The following DHRSX variants were observed in gnomAD, a reference collection of about 807,000 sequenced individuals.
DHRSX encodes polyprenol dehydrogenase.
In DHRSX, 31 loss-of-function variants were observed where a neutral mutation model predicts 34.0. The ratio of observed to expected loss-of-function variants is 0.91; its 90% CI spans 0.69 to 1.23. The LOEUF is 1.23. Among genes scored for constraint, DHRSX ranks in the 50% most tolerant of loss-of-function variants. The pLI, the probability that DHRSX is intolerant of heterozygous loss-of-function variation, is 0.00. For missense variants in DHRSX, 414 were observed against 428.1 expected (o/e 0.97, Z 0.29); for synonymous variants, 201 against 183.8 (o/e 1.09, Z -0.76).
At chrX:2,255,388 G>C (rs2041262926) in intron 5 of DHRSX, among the ~76,000 whole-genome samples, 1 of 152,066 alleles carries the variant, frequency 6.6e-6, no homozygotes, top group Non-Finnish European at 1.5e-5. Context: ...TCCGAATCGA[G>C]ATGGGATACC....
At chrX:2,394,684 G>A (rs1024377402) in intron 3 of DHRSX, among the ~76,000 whole-genome samples, 1 of 152,132 alleles carries the variant, frequency 6.6e-6, no homozygotes, top group African/African-American at 2.4e-5. Context: ...TGGCCAACAT[G>A]GTGAAACCCC....
intron 6 of DHRSX, among the ~76,000 whole-genome samples, chrX:2,230,932 A>G (rs910334196): frequency 2.0e-5 from 3 of 152,232 alleles, no homozygotes; most frequent in East Asian, 1.9e-4. Context: ...CTAATACAAA[A>G]TTGAACGGTC....
At chrX:2,251,577 C>T (rs752966255) in intron 5 of DHRSX, among the ~76,000 whole-genome samples, 13 of 152,258 alleles carry the variant, frequency 8.5e-5, no homozygotes, top group South Asian at 8.3e-4. Context: ...GTAGGGCGGA[C>T]GCATCAAGTG....
At chrX:2,268,238 G>C (rs1220102625) in intron 4 of DHRSX, among the ~76,000 whole-genome samples, 2 of 152,164 alleles carry the variant, frequency 1.3e-5, no homozygotes, top group African/African-American at 4.8e-5. Flanking sequence ...TGATCTCAAA[G>C]GTGACTTGTC....
intron 1 of DHRSX, among the ~76,000 whole-genome samples, chrX:2,485,126 C>T (rs4892840): frequency 0.18 from 28,040 of 152,000 alleles, 3,231 homozygotes; most frequent in East Asian, 0.43. Flanking sequence ...AAAACCGAAC[C>T]GAAAAATCCC....
chrX:2,475,534 C>T (rs897818594), intron 1 of DHRSX, among the ~76,000 whole-genome samples: 1 of 151,956 alleles, frequency 6.6e-6, no homozygotes, highest in Non-Finnish European at 1.5e-5. Context: ...GAAGACATTC[C>T]CTAAGCATGT....
At chrX:2,441,081 C>T (rs557320214) in intron 1 of DHRSX, among the ~76,000 whole-genome samples, 14 of 152,302 alleles carry the variant, frequency 9.2e-5, no homozygotes, top group African/African-American at 2.9e-4. Context: ...TGGAACACCA[C>T]GGCTTCCGGC....
At chrX:2,396,482 A>C (rs1433555008) in intron 3 of DHRSX, among the ~76,000 whole-genome samples, 1 of 148,688 alleles carries the variant, frequency 6.7e-6, no homozygotes, top group Non-Finnish European at 1.5e-5. Context: ...GGTTCAAGCC[A>C]TTCTCCAGCC....
In DHRSX at chrX:2,273,828, G is replaced by T. The variant is rs777743164; in HGVS notation, c.389-6881C>A. 1.1e-4 allele frequency among the ~76,000 whole-genome samples: 16 copies of T among 152,322 alleles called. No individual in the cohort carries two copies. In the East Asian group the frequency reaches 2.9e-3, roughly 28 times the overall value. On this transcript the variant is annotated intron_variant, in intron 4 of 6. Coordinates refer to ENST00000334651, the MANE Select transcript of DHRSX (RefSeq NM_145177.3). ...AGCATCGTTGGGGAAGGTATCTTTT[G>T]CAAGAGCAGAGGGGACAGTGCTTCT...
At chrX:2,291,775 A>G (rs2041868850) in intron 3 of DHRSX, among the ~76,000 whole-genome samples, 172 bp from the exon 4 acceptor site, 1 of 151,998 alleles carries the variant, frequency 6.6e-6, no homozygotes, top group East Asian at 1.9e-4. Flanking sequence ...GTGCTGTGGC[A>G]GGATCTCAGC....
intron 1 of DHRSX, chrX:2,490,661 C>G: frequency 6.2e-7 from 1 of 1,613,870 alleles, no homozygotes; most frequent in South Asian, 1.1e-5. Context: ...GCTCTTGGCG[C>G]GGGGGTGGGC....
At chrX:2,393,642 C>A (rs2043367906) in intron 3 of DHRSX, among the ~76,000 whole-genome samples, 1 of 151,000 alleles carries the variant, frequency 6.6e-6, no homozygotes, top group African/African-American at 2.5e-5. Context: ...ACACGACACA[C>A]AGGGACCTCC....
chrX:2,402,815 A>G (rs1324843853), intron 3 of DHRSX, among the ~76,000 whole-genome samples: 2 of 151,758 alleles, frequency 1.3e-5, no homozygotes, highest in Non-Finnish European at 2.9e-5. Flanking sequence ...CAAATAGGGT[A>G]TCCATCCCCT....
chrX:2,472,700 C>T (rs1468070303), intron 1 of DHRSX, among the ~76,000 whole-genome samples: 1 of 151,886 alleles, frequency 6.6e-6, no homozygotes, highest in South Asian at 2.1e-4. Flanking sequence ...ACCCGGGAGA[C>T]GGAGGTTGCA....
At chrX:2,228,637 T>A (rs1363380761) in intron 6 of DHRSX, among the ~76,000 whole-genome samples, 1 of 151,818 alleles carries the variant, frequency 6.6e-6, no homozygotes, top group African/African-American at 2.4e-5. Context: ...TGACCAAATA[T>A]CTGTGGTGAC....
intron 1 of DHRSX, among the ~76,000 whole-genome samples, chrX:2,473,094 G>A: frequency 6.6e-6 from 1 of 152,196 alleles, no homozygotes; most frequent in South Asian, 2.1e-4. Context: ...CGTGATTAAG[G>A]TGCCCACAGC....
intron 1 of DHRSX, among the ~76,000 whole-genome samples, chrX:2,499,054 G>A (rs1294467805): frequency 2.6e-5 from 4 of 152,264 alleles, no homozygotes; most frequent in East Asian, 3.9e-4. Flanking sequence ...GGCTAGAGGC[G>A]GGAGAGAGAG....
intron 1 of DHRSX, among the ~76,000 whole-genome samples, chrX:2,439,445 C>T (rs993082397): frequency 1.3e-5 from 2 of 152,134 alleles, no homozygotes; most frequent in Admixed American, 1.3e-4. Context: ...GGTCCTCAAG[C>T]TTTTTGGCAC....
chrX:2,266,040 A>T (rs1489459617), intron 5 of DHRSX, among the ~76,000 whole-genome samples: 2 of 119,960 alleles, frequency 1.7e-5, no homozygotes, highest in Non-Finnish European at 1.7e-5. Context: ...GCACCAGTGT[A>T]CAGCAGACGC....
Sources: gnomAD v4.1 joint callset for allele counts (sites outside exome capture counted in the v4.1 genomes callset) on GRCh38, gnomAD v4.1.1 for gene constraint, MANE v1.5 for transcripts, NCBI Gene and HGNC (gene_info 2026-07-23, HGNC 2026-07-21) for gene names.